CCNJL: variants seen among roughly 807,000 people sequenced by gnomAD.
CCNJL encodes cyclin J like, also known as cyclin-J-like protein.
CCNJL carries 33 observed loss-of-function variants against 33.4 expected under a neutral mutation model. The ratio of observed to expected loss-of-function variants is 0.99; its 90% CI spans 0.75 to 1.32. The LOEUF is 1.32. Among genes scored for constraint, CCNJL ranks in the 40% most tolerant of loss-of-function variants. The pLI, the probability that CCNJL is intolerant of heterozygous loss-of-function variation, is 0.00. For missense variants in CCNJL, 512 were observed against 499.7 expected (o/e 1.02, Z -0.23); for synonymous variants, 227 against 220.9 (o/e 1.03, Z -0.24).
intron 3 of CCNJL, among the ~76,000 whole-genome samples, chr5:160,276,048 G>C (rs1761996461): frequency 1.3e-5 from 2 of 152,328 alleles, no homozygotes; most frequent in Admixed American, 6.5e-5. Context: ...TCCATCAACA[G>C]ATGACTGGAT....
Position 160,333,161 on chromosome 5 carries a change from C to T in CCNJL, n.206+6284G>A, listed in dbSNP as rs192433016. Among the ~76,000 whole-genome samples, 222 of 150,660 alleles carry T rather than the reference C, an allele frequency of 1.5e-3. 1 individual carries two copies. Among genetic ancestry groups the T allele is most frequent in the African/African-American group, 4.9e-3 (202 of 40,904 alleles). On this transcript the variant is annotated intron_variant and non_coding_transcript_variant, in intron 1 of 7. Coordinates refer to the CCNJL transcript ENST00000377503. Reference sequence around the variant, plus strand: ...TTTTTGAGATGGAGTCTCGCTCTGTCGCCCAGGCTGGAGTGCAGTGGCACG... The same window carrying T: ...TTTTTGAGATGGAGTCTCGCTCTGTTGCCCAGGCTGGAGTGCAGTGGCACG...
chr5:160,330,681 T>G (rs80027884), intron 1 of CCNJL, among the ~76,000 whole-genome samples: 6 of 142,628 alleles, frequency 4.2e-5, no homozygotes, highest in Middle Eastern at 7.6e-3. Flanking sequence ...TTTTTTTTTT[T>G]GAGACAGAGT....
chr5:160,275,912 G>A (rs1761992699), intron 3 of CCNJL, among the ~76,000 whole-genome samples: 1 of 152,056 alleles, frequency 6.6e-6, no homozygotes, highest in Admixed American at 6.5e-5. Flanking sequence ...ATTACCACAT[G>A]ACCCATAATC....
chr5:160,304,822 C>CTTTTTT (rs10658968), intron 2 of CCNJL, among the ~76,000 whole-genome samples: 2 of 146,120 alleles, frequency 1.4e-5, no homozygotes, highest in African/African-American at 2.5e-5. Flanking sequence ...TACTTTCTTT[C>CTTTTTT]TTTTTTTTTT....
chr5:160,303,633 G>A (rs957834206), intron 2 of CCNJL, among the ~76,000 whole-genome samples: 2 of 151,862 alleles, frequency 1.3e-5, no homozygotes, highest in African/African-American at 4.8e-5. Context: ...GATTGTGAGG[G>A]GAATTTTACT....
rs527311183 is a variant in CCNJL at position 160,312,041 on chromosome 5, T to C, written c.-49-69A>G. On this transcript the variant is annotated intron_variant, in intron 1 of 5. Transcript: ENST00000257536. ...GCTCCGACCCCCGGTGTCCCTATCCTCTCTCGCCCCTGGCCCCGGGCCCCG... is the reference window on the plus strand; with the variant it reads ...GCTCCGACCCCCGGTGTCCCTATCCCCTCTCGCCCCTGGCCCCGGGCCCCG... 3.2e-5 allele frequency: 32 copies of C among 1,001,348 alleles called. No homozygotes were observed. The East Asian group carries it at 7.9e-4, about 25-fold the overall frequency. 62.0% of individuals were successfully genotyped at this position (1,001,348 alleles called of 1,614,324 possible).
chr5:160,328,811 C>T (rs962391758), intron 1 of CCNJL, among the ~76,000 whole-genome samples: 39 of 151,118 alleles, frequency 2.6e-4, no homozygotes, highest in Admixed American at 2.0e-3. Flanking sequence ...ACCCAGGAGG[C>T]GGAGGTTGCA....
rs1189140816 is a variant in CCNJL at position 160,320,850 on chromosome 5, C to CTTCTTTCTTTCTTTCTTTCTTTCT, written n.207-5346_207-5345insAGAAAGAAAGAAAGAAAGAAAGAA. Among the ~76,000 whole-genome samples the CTTCTTTCTTTCTTTCTTTCTTTCT allele has an allele frequency of 7.7e-4, 43 of 55,582 alleles. 1 individual carries two copies. Among genetic ancestry groups the CTTCTTTCTTTCTTTCTTTCTTTCT allele is most frequent in the African/African-American group, 2.6e-3 (43 of 16,846 alleles). The allele number at this position is 55,582 out of a possible 152,430, so 36.5% of individuals were successfully genotyped here. On this transcript the variant is annotated intron_variant and non_coding_transcript_variant, in intron 1 of 7. Coordinates refer to the CCNJL transcript ENST00000377503. ...CTTTCTTTCTTTCTTTCTTTCTTTC[C>CTTCTTTCTTTCTTTCTTTCTTTCT]TTCTTTCTTTCTTTCTTTCTCTCTT...
Position 160,309,117 on chromosome 5 carries a change from C to T in CCNJL, c.66+2741G>A, listed in dbSNP as rs563436703. ...TGGTAAGGACTGGGAATTTTAAGTG[C>T]AGTGAGATGACATTGGAGGTCTTTA... On this transcript the variant is annotated intron_variant, in intron 2 of 5. Transcript: ENST00000257536. 2.0e-5 allele frequency among the ~76,000 whole-genome samples: 3 copies of T among 152,308 alleles called. No individual in the cohort carries two copies. In the South Asian group the frequency reaches 6.2e-4, roughly 32 times the overall value.
Position 160,253,576 on chromosome 5 carries a change from G to C in CCNJL, c.966C>G (p.Leu322=), listed in dbSNP as rs1760908546. 2 of 1,614,034 alleles carry C rather than the reference G, an allele frequency of 1.2e-6. No individual in the cohort carries two copies. The highest frequency in any genetic ancestry group is 1.3e-5 in the African/African-American group (1 of 74,934). ...GGAGGGATGAGCCTGTACTCCCCGA[G>C]AGCAGGCTCCCTGAACGGTGGGCCT... ...SLQAHRSGSL[L]SGSTGSSLHT... is the part of the protein sequence containing the mutation. Residue 322 remains leucine (L), a synonymous_variant, in exon 6 of 6, where the codon CTC becomes CTG. Transcript: ENST00000257536.
chr5:160,314,539 G>C (rs1406245139), upstream of CCNJL, among the ~76,000 whole-genome samples: 1 of 152,182 alleles, frequency 6.6e-6, no homozygotes, highest in Non-Finnish European at 1.5e-5. Flanking sequence ...GGAGGGGAAG[G>C]CCTAGATACT....
chr5:160,298,388 A>C (rs1019086930), intron 2 of CCNJL, among the ~76,000 whole-genome samples: 2 of 152,022 alleles, frequency 1.3e-5, no homozygotes, highest in Non-Finnish European at 2.9e-5. Flanking sequence ...TCGACAGTGA[A>C]GTCCAGGAAG....
At chr5:160,324,478 C>T (rs1763510730) in intron 1 of CCNJL, among the ~76,000 whole-genome samples, 1 of 152,162 alleles carries the variant, frequency 6.6e-6, no homozygotes, top group African/African-American at 2.4e-5. Context: ...GAGGCTGAGG[C>T]AGGAGAATTG....
intron 2 of CCNJL, among the ~76,000 whole-genome samples, chr5:160,303,258 C>T (rs775037420): frequency 2.6e-5 from 4 of 152,062 alleles, no homozygotes; most frequent in Non-Finnish European, 4.4e-5. Context: ...CAAGCTGGAG[C>T]GCAATGGTGC....
upstream of CCNJL, among the ~76,000 whole-genome samples, chr5:160,317,163 A>T (rs1763389333): frequency 6.6e-6 from 1 of 152,198 alleles, no homozygotes; most frequent in Non-Finnish European, 1.5e-5. Flanking sequence ...CGTGTGCTCT[A>T]CTTAGTCAAG....
chr5:160,327,883 C>CA (rs1242746495), intron 1 of CCNJL, among the ~76,000 whole-genome samples: 34 of 150,966 alleles, frequency 2.3e-4, no homozygotes, highest in East Asian at 9.7e-4. Context: ...CAAACAAAAA[C>CA]AAAAAAACAA....
At chr5:160,312,068 C>G in intron 1 of CCNJL, 96 bp from the exon 2 acceptor site, 1 of 763,632 alleles carries the variant, frequency 1.3e-6, no homozygotes, top group East Asian at 2.7e-5. Flanking sequence ...CGGGCCCCGG[C>G]GGGCGCCCCC....
chr5:160,311,174 G>A (rs1380559293), intron 2 of CCNJL, among the ~76,000 whole-genome samples: 1 of 152,118 alleles, frequency 6.6e-6, no homozygotes, highest in Non-Finnish European at 1.5e-5. Flanking sequence ...GGGGTGTGCA[G>A]GGATCACATT....
At chr5:160,310,690 T>C (rs1178123226) in intron 2 of CCNJL, among the ~76,000 whole-genome samples, 1 of 152,172 alleles carries the variant, frequency 6.6e-6, no homozygotes, top group Non-Finnish European at 1.5e-5. Context: ...TAAATTATGA[T>C]GACATCACAT....
Sources: allele counts gnomAD v4.1 joint callset (sites outside exome capture counted in the v4.1 genomes callset), GRCh38; gene constraint gnomAD v4.1.1; transcripts MANE v1.5; gene names NCBI Gene and HGNC (gene_info 2026-07-23, HGNC 2026-07-21).